The following SRPK1 variants were observed in gnomAD, a reference collection of about 807,000 sequenced individuals.
The protein encoded by SRPK1 is SRSF protein kinase 1, also known as SFRS protein kinase 1.
A neutral mutation model predicts 89.5 loss-of-function variants in SRPK1; 52 were observed. The ratio of observed to expected loss-of-function variants is 0.58; its 90% confidence interval spans 0.46 to 0.73. The LOEUF (loss-of-function observed/expected upper bound fraction) is 0.73, where lower values mean the gene tolerates loss of function less well. Ranked by LOEUF, SRPK1 falls within the 30% of genes least tolerant of loss-of-function variation. SRPK1 has a pLI of 0.00. For missense variants in SRPK1, 603 were observed against 780.6 expected (o/e 0.77, Z 2.71); for synonymous variants, 255 against 270.2 (o/e 0.94, Z 0.55).
At chr6:35,872,110 C>T (rs1770047480) in intron 8 of SRPK1, among the ~76,000 whole-genome samples, 2 of 152,290 alleles carry the variant, frequency 1.3e-5, no homozygotes, top group Middle Eastern at 3.4e-3. Flanking sequence ...CCCAATAATT[C>T]GCAGTTGAGG....
chr6:35,887,420 A>T (rs898755218), intron 5 of SRPK1, among the ~76,000 whole-genome samples: 13 of 152,178 alleles, frequency 8.5e-5, no homozygotes, highest in African/African-American at 2.4e-4. Context: ...CTTTATGAAT[A>T]AAAAATCTGA....
intron 14 of SRPK1, among the ~76,000 whole-genome samples, chr6:35,841,519 A>G (rs1769305834): frequency 6.6e-6 from 1 of 152,138 alleles, no homozygotes; most frequent in African/African-American, 2.4e-5. Context: ...CAACTAAAAC[A>G]TAAGCTGCCT....
intron 12 of SRPK1, among the ~76,000 whole-genome samples, chr6:35,861,661 C>T (rs1018939887): frequency 6.6e-6 from 1 of 152,232 alleles, no homozygotes; most frequent in Admixed American, 6.5e-5. Flanking sequence ...GCATAAAGTG[C>T]TATTTTGAGA....
chr6:35,920,128 A>G lies in SRPK1; in HGVS notation c.74+340T>C, dbSNP rs1221672253. 1.6e-5 allele frequency: 8 copies of G among 486,392 alleles called. 1 individual carries two copies. The highest frequency in any genetic ancestry group is 1.2e-4 in the South Asian group (8 of 64,846). The allele number at this position is 486,392 out of a possible 1,614,324, so 30.1% of individuals were successfully genotyped here. A position where few individuals can be genotyped will look rare whatever the true frequency, so the allele number is the denominator to read the frequency against. On this transcript the variant is annotated intron_variant, in intron 2 of 15. Coordinates refer to ENST00000373825, the MANE Select transcript of SRPK1 (RefSeq NM_003137.5). ...AGGTAAGAGAGACCAGAGTTCAGAA[A>G]CAGACCGATAATGATCTACCAGCTC...
intron 8 of SRPK1, among the ~76,000 whole-genome samples, chr6:35,871,818 G>T (rs1360156683): frequency 6.6e-6 from 1 of 152,120 alleles, no homozygotes; most frequent in Non-Finnish European, 1.5e-5. Context: ...CACAACTCGT[G>T]GCAGCCTTGA....
At chr6:35,878,325 A>G (rs1770201215) in intron 6 of SRPK1, among the ~76,000 whole-genome samples, 1 of 152,232 alleles carries the variant, frequency 6.6e-6, no homozygotes, top group Non-Finnish European at 1.5e-5. Flanking sequence ...AATGTCATAC[A>G]GATCCTGACT....
chr6:35,838,832 A>G (rs995701111), intron 14 of SRPK1: 5 of 1,363,462 alleles, frequency 3.7e-6, no homozygotes, highest in Non-Finnish European at 4.9e-6. Flanking sequence ...CAGATCAAGG[A>G]CAAGCTGTAA....
chr6:35,874,420 G>A (rs186644069), intron 6 of SRPK1, 81 bp from the exon 7 acceptor site: 3 of 892,648 alleles, frequency 3.4e-6, no homozygotes, highest in East Asian at 2.6e-5. Context: ...CCTATTAAAT[G>A]TTATGTATTA....
At chr6:35,851,559 C>T (rs1375311598) in intron 13 of SRPK1, among the ~76,000 whole-genome samples, 1 of 152,090 alleles carries the variant, frequency 6.6e-6, no homozygotes, top group African/African-American at 2.4e-5. Flanking sequence ...AAGAATTAAC[C>T]TAAAAGGTTC....
At chr6:35,836,787 T>TAATAATAATAA (rs56248731) in intron 15 of SRPK1, among the ~76,000 whole-genome samples, 1 of 141,124 alleles carries the variant, frequency 7.1e-6, no homozygotes, top group Non-Finnish European at 1.5e-5. Context: ...ATAATAATAA[T>TAATAATAATAA]TTTTTTTAAA....
chr6:35,851,762 A>G (rs1581994819), intron 13 of SRPK1, among the ~76,000 whole-genome samples: 1 of 152,216 alleles, frequency 6.6e-6, no homozygotes, highest in African/African-American at 2.4e-5. Flanking sequence ...AACTGAGGCT[A>G]GAGACATCAT....
At chr6:35,838,076 G>A (rs569252105) in intron 15 of SRPK1, among the ~76,000 whole-genome samples, 1 of 152,104 alleles carries the variant, frequency 6.6e-6, no homozygotes, top group Admixed American at 6.5e-5. Context: ...CACCGGGTTG[G>A]CCAGGCTGTT....
intron 2 of SRPK1, among the ~76,000 whole-genome samples, chr6:35,919,567 T>C (rs1303067335): frequency 6.6e-6 from 1 of 152,146 alleles, no homozygotes; most frequent in Admixed American, 6.5e-5. Context: ...GAATACAAAG[T>C]GTGTAAGAGC....
At chr6:35,919,103 T>C (rs1350583495) in intron 2 of SRPK1, among the ~76,000 whole-genome samples, 1 of 152,250 alleles carries the variant, frequency 6.6e-6, no homozygotes, top group Non-Finnish European at 1.5e-5. Flanking sequence ...AGAACCAAGT[T>C]AGCACCTTGC....
intron 12 of SRPK1, among the ~76,000 whole-genome samples, chr6:35,864,117 G>C (rs1769844323): frequency 6.6e-6 from 1 of 152,148 alleles, no homozygotes; most frequent in Non-Finnish European, 1.5e-5. Context: ...AAAATCTCCA[G>C]GACACTGGTC....
chr6:35,888,686 G>A (rs1770457973), intron 4 of SRPK1, 129 bp downstream of exon 4: 1 of 640,568 alleles, frequency 1.6e-6, no homozygotes, highest in African/African-American at 1.8e-5. Flanking sequence ...AGAGACTATT[G>A]CCAACAACAA....
intron 2 of SRPK1, among the ~76,000 whole-genome samples, chr6:35,905,722 G>C (rs908044804): frequency 6.6e-6 from 1 of 152,176 alleles, no homozygotes; most frequent in Non-Finnish European, 1.5e-5. Context: ...TTCTAAGACT[G>C]TTGTGTATAT....
At chr6:35,837,389 A>G (rs550894438) in intron 15 of SRPK1, among the ~76,000 whole-genome samples, 2 of 152,328 alleles carry the variant, frequency 1.3e-5, no homozygotes, top group Admixed American at 6.5e-5. Context: ...GAAGTGCTAT[A>G]GAAGTAATCA....
At chr6:35,848,286 G>A (rs969345188) in intron 13 of SRPK1, among the ~76,000 whole-genome samples, 2 of 152,228 alleles carry the variant, frequency 1.3e-5, no homozygotes, top group African/African-American at 4.8e-5. Flanking sequence ...GCTGGGCATG[G>A]TGGCTCACGC....
Sources: gnomAD v4.1 joint callset for allele counts (sites outside exome capture counted in the v4.1 genomes callset) on GRCh38, gnomAD v4.1.1 for gene constraint, MANE v1.5 for transcripts, NCBI Gene and HGNC (gene_info 2026-07-23, HGNC 2026-07-21) for gene names.